Variants in SLC25A26 observed in about 807,000 individuals in gnomAD.
SLC25A26 encodes the protein mitochondrial S-adenosylmethionine carrier protein.
SLC25A26 carries 36 observed loss-of-function variants against 37.8 expected under a neutral mutation model. The ratio of observed to expected loss-of-function variants is 0.95; its 90% CI spans 0.73 to 1.26. SLC25A26 has a LOEUF of 1.26. Among genes scored for constraint, SLC25A26 ranks in the 50% most tolerant of loss-of-function variants. The pLI is 0.00. For synonymous variants in SLC25A26, 129 were observed against 122.5 expected, an observed-to-expected ratio of 1.05 and a Z score of -0.35; for missense variants, 390 against 331.1, an observed-to-expected ratio of 1.18 and a Z score of -1.38.
In SLC25A26 at chr3:66,292,057, C is replaced by G. The variant is rs7629895; in HGVS notation, c.453+28678C>G. On this transcript the variant is annotated intron_variant, in intron 5 of 9. Coordinates refer to ENST00000354883, the MANE Select transcript of SLC25A26 (RefSeq NM_001379210.1). ...TGATCCCTTTACCGCTACATAATGCCCTTCTTTGTCTTTTTTTATGTTTGT... is the reference window on the plus strand; with the variant it reads ...TGATCCCTTTACCGCTACATAATGCGCTTCTTTGTCTTTTTTTATGTTTGT... Among the ~76,000 whole-genome samples the G allele has an allele frequency of 3.0e-3, 463 of 152,084 alleles. 3 individuals carry two copies. Among genetic ancestry groups the G allele is most frequent in the East Asian group, 0.017 (89 of 5,170 alleles).
chr3:66,326,681 AC>A (rs1165517974), intron 5 of SLC25A26, among the ~76,000 whole-genome samples: 3 of 152,166 alleles, frequency 2.0e-5, no homozygotes, highest in Admixed American at 2.0e-4. Flanking sequence ...GAGTGCACGC[AC>A]GCCTCTTGCT....
intron 1 of SLC25A26, among the ~76,000 whole-genome samples, chr3:66,201,223 A>AT (rs2071104102): frequency 1.3e-5 from 2 of 151,636 alleles, no homozygotes; most frequent in South Asian, 4.1e-4. Flanking sequence ...TATATATTTT[A>AT]TATATACACT....
At chr3:66,325,474 CA>C (rs2075814186) in intron 5 of SLC25A26, among the ~76,000 whole-genome samples, 1 of 152,240 alleles carries the variant, frequency 6.6e-6, no homozygotes, top group South Asian at 2.1e-4. Context: ...TAAATGAAAC[CA>C]ACATTGTTTA....
chr3:66,239,825 T>C lies in SLC25A26; in HGVS notation c.190+3125T>C, dbSNP rs558818533. 2.8e-3 allele frequency among the ~76,000 whole-genome samples: 370 copies of C among 133,824 alleles called. 2 individuals are homozygous for C. The highest frequency in any genetic ancestry group is 8.2e-3 in the African/African-American group (325 of 39,408). 87.8% of individuals were successfully genotyped at this position (133,824 alleles called of 152,430 possible). ...TGAGTTTCCTTTCTTTCTTTTTTTT[T>C]TTTTTTTTTTTTTTTAACAGTGGAT... On this transcript the variant is annotated intron_variant, in intron 2 of 9. Transcript: ENST00000354883.
At chr3:66,310,086 A>G (rs1248455960) in intron 5 of SLC25A26, among the ~76,000 whole-genome samples, 1 of 152,116 alleles carries the variant, frequency 6.6e-6, no homozygotes, top group Non-Finnish European at 1.5e-5. Context: ...TCTAGCTAAT[A>G]TTGACAGTGA....
chr3:66,243,032 G>A (rs1257273387), intron 2 of SLC25A26, among the ~76,000 whole-genome samples, 171 bp from the exon 3 acceptor site: 1 of 152,166 alleles, frequency 6.6e-6, no homozygotes, highest in Admixed American at 6.5e-5. Context: ...ATATACCATG[G>A]CGTCAGTAAA....
chr3:66,203,226 A>T lies in SLC25A26; in HGVS notation c.-353-17516A>T, dbSNP rs1005527710. On this transcript the variant is annotated intron_variant, in intron 1 of 10. Coordinates refer to the SLC25A26 transcript ENST00000676754. ...CAAAACCTTGTTTCTATAAATAATT[A>T]AAAAATTAGCCAGGCATGGTGCCAT... Among the ~76,000 whole-genome samples the T allele has an allele frequency of 4.6e-4, 70 of 152,124 alleles. 2 individuals carry two copies. The South Asian group carries it at 0.014, about 30-fold the overall frequency.
chr3:66,256,346 G>A (rs2073301434), intron 3 of SLC25A26, among the ~76,000 whole-genome samples: 1 of 151,950 alleles, frequency 6.6e-6, no homozygotes, highest in Non-Finnish European at 1.5e-5. Context: ...AAGGCTGATA[G>A]GTTGCCATCT....
intron 1 of SLC25A26, among the ~76,000 whole-genome samples, chr3:66,186,882 C>T (rs1201505507): frequency 6.6e-6 from 1 of 152,148 alleles, no homozygotes; most frequent in African/African-American, 2.4e-5. Flanking sequence ...CCTGACCTGA[C>T]CATGTCCCTG....
At chr3:66,194,394 C>T (rs1038118798) in intron 1 of SLC25A26, among the ~76,000 whole-genome samples, 24 of 152,260 alleles carry the variant, frequency 1.6e-4, no homozygotes, top group South Asian at 4.1e-4. Context: ...CAGAGGTGCT[C>T]ATTTTACTAG....
chr3:66,248,912 A>G (rs542643307), intron 3 of SLC25A26, among the ~76,000 whole-genome samples: 7 of 152,258 alleles, frequency 4.6e-5, no homozygotes, highest in Non-Finnish European at 1.0e-4. Flanking sequence ...TTTAAACACA[A>G]TCTCTAGATG....
chr3:66,196,282 A>T (rs2071042894), intron 1 of SLC25A26, among the ~76,000 whole-genome samples: 1 of 152,248 alleles, frequency 6.6e-6, no homozygotes, highest in African/African-American at 2.4e-5. Context: ...AGCCCTGGTC[A>T]TGCTGACTTC....
chr3:66,264,625 C>T (rs541057679), intron 5 of SLC25A26, among the ~76,000 whole-genome samples: 5 of 152,284 alleles, frequency 3.3e-5, no homozygotes, highest in Non-Finnish European at 1.5e-5. Flanking sequence ...GCATGATGAT[C>T]GGAGGTGGAA....
intron 1 of SLC25A26, among the ~76,000 whole-genome samples, chr3:66,158,720 T>G (rs1362868701): frequency 6.6e-6 from 1 of 152,098 alleles, no homozygotes; most frequent in East Asian, 1.9e-4. Context: ...AAAATAGGAT[T>G]TATTAATCTG....
chr3:66,176,824 G>A (rs192521367), intron 1 of SLC25A26, among the ~76,000 whole-genome samples: 22 of 152,282 alleles, frequency 1.4e-4, no homozygotes, highest in Middle Eastern at 3.4e-3. Context: ...CCTTAATTGG[G>A]GAAGGGGTGA....
intron 1 of SLC25A26, among the ~76,000 whole-genome samples, chr3:66,154,109 A>T (rs2070243978): frequency 6.6e-6 from 1 of 152,056 alleles, no homozygotes; most frequent in Non-Finnish European, 1.5e-5. Flanking sequence ...GCAGTGCCTG[A>T]ATATAAAACT....
intron 5 of SLC25A26, among the ~76,000 whole-genome samples, chr3:66,291,470 T>C (rs972526112): frequency 1.3e-5 from 2 of 152,208 alleles, no homozygotes; most frequent in Non-Finnish European, 2.9e-5. Flanking sequence ...AAAACACTGC[T>C]TTAGCTGTGT....
intron 1 of SLC25A26, among the ~76,000 whole-genome samples, chr3:66,209,898 TTATATATATATATA>T (rs1159734636): frequency 0.023 from 869 of 38,614 alleles, 52 homozygotes; most frequent in Admixed American, 0.033. Context: ...CTCTCTCTAT[TTATATATATATATA>T]TATATATATA....
chr3:66,289,335 C>A (rs970146155), intron 5 of SLC25A26, among the ~76,000 whole-genome samples: 2 of 152,020 alleles, frequency 1.3e-5, no homozygotes, highest in South Asian at 2.1e-4. Context: ...TAATTAGATC[C>A]CCTTTGTCAA....
Sources: allele counts gnomAD v4.1 joint callset (sites outside exome capture counted in the v4.1 genomes callset), GRCh38; gene constraint gnomAD v4.1.1; transcripts MANE v1.5; gene names NCBI Gene and HGNC (gene_info 2026-07-23, HGNC 2026-07-21).